The following SCNN1G variants were observed in gnomAD, a reference collection of about 807,000 sequenced individuals.
The protein encoded by SCNN1G is epithelial sodium channel subunit gamma.
A neutral mutation model predicts 64.6 loss-of-function variants in SCNN1G; 27 were observed. The ratio of observed to expected loss-of-function variants is 0.42; its 90% CI spans 0.31 to 0.58. The LOEUF is 0.58. SCNN1G is among the 20% of genes least tolerant of loss of function. The pLI, the probability that SCNN1G is intolerant of heterozygous loss-of-function variation, is 0.18. For missense variants in SCNN1G, 743 were observed against 823.4 expected, an observed-to-expected ratio of 0.90 and a Z score of 1.19; for synonymous variants, 330 against 314.2, an observed-to-expected ratio of 1.05 and a Z score of -0.53.
chr16:23,188,535 G>T (rs1002645425), intron 2 of SCNN1G, among the ~76,000 whole-genome samples: 1 of 151,938 alleles, frequency 6.6e-6, no homozygotes, highest in Non-Finnish European at 1.5e-5. Flanking sequence ...ATAATAGAGG[G>T]CATTTAATTA....
rs758686471 is a variant in SCNN1G at position 23,186,418 on chromosome 16, C to T, written c.147C>T (p.Gly49=). The part of the protein sequence containing the change: ...HGCRRIVVSR[G]RLRRLLWIGF... ...GTCGCCGCATCGTGGTGTCCCGCGG[C>T]CGTCTGCGCCGCCTCCTCTGGATCG... The change falls in exon 2 of 13, where the codon GGC becomes GGT. Residue 49 remains glycine, a synonymous_variant. Coordinates refer to ENST00000300061, the MANE Select transcript of SCNN1G (RefSeq NM_001039.4). 6 of 1,614,232 alleles carry T rather than the reference C, an allele frequency of 3.7e-6. No individual in the cohort carries two copies. In the East Asian group the frequency reaches 1.1e-4, roughly 30 times the overall value.
intron 6 of SCNN1G, among the ~76,000 whole-genome samples, chr16:23,201,589 C>G (rs1470382490): frequency 2.6e-5 from 4 of 152,058 alleles, no homozygotes; most frequent in Admixed American, 2.6e-4. Context: ...AAACTCCAAC[C>G]AAACTAGACT....
chr16:23,191,679 A>G (rs1046348044), intron 3 of SCNN1G, among the ~76,000 whole-genome samples: 26 of 152,090 alleles, frequency 1.7e-4, no homozygotes, highest in Non-Finnish European at 3.4e-4. Flanking sequence ...TCCCACTACA[A>G]CCTTCCAAAG....
intron 5 of SCNN1G, 150 bp from the exon 6 acceptor site, chr16:23,197,114 C>A: frequency 1.4e-6 from 1 of 708,342 alleles, no homozygotes; most frequent in Non-Finnish European, 2.5e-6. Flanking sequence ...TCCAATCTCA[C>A]GGAGCTTCCA....
intron 6 of SCNN1G, among the ~76,000 whole-genome samples, chr16:23,201,043 G>A (rs780473167): frequency 3.3e-5 from 5 of 152,196 alleles, no homozygotes; most frequent in Non-Finnish European, 7.3e-5. Context: ...AATGAAAAAG[G>A]AAAAACTATC....
chr16:23,188,675 A>G (rs1959654089), intron 2 of SCNN1G, among the ~76,000 whole-genome samples: 1 of 152,220 alleles, frequency 6.6e-6, no homozygotes, highest in Non-Finnish European at 1.5e-5. Flanking sequence ...TCAGGTAGCC[A>G]GTACCAGGAT....
Position 23,212,096 on chromosome 16 carries a change from C to T in SCNN1G, c.1239C>T (p.Ser413=). ...AGAAATGTGGGTGTGCCCAGTACAGCCAGCCTCTACCTCCTGCAGCCAACT... is the reference window on the plus strand; with the variant it reads ...AGAAATGTGGGTGTGCCCAGTACAGTCAGCCTCTACCTCCTGCAGCCAACT... ...MVEKCGCAQY[S]QPLPPAANYC... is the part of the protein sequence containing the mutation. Residue 413 remains serine, a synonymous_variant, in exon 8 of 13, where the codon AGC becomes AGT. Coordinates refer to ENST00000300061, the MANE Select transcript of SCNN1G (RefSeq NM_001039.4). The T allele has an allele frequency of 1.2e-6, 2 of 1,614,046 alleles. No homozygotes were observed. Among genetic ancestry groups the T allele is most frequent in the Non-Finnish European group, 1.7e-6 (2 of 1,179,942 alleles).
At chr16:23,189,908 T>G (rs941021193) in intron 3 of SCNN1G, among the ~76,000 whole-genome samples, 2 of 152,020 alleles carry the variant, frequency 1.3e-5, no homozygotes, top group Non-Finnish European at 2.9e-5. Context: ...CCATCTCCAC[T>G]AAAATACAAA....
chr16:23,197,820 C>T lies in SCNN1G; in HGVS notation c.1077+393C>T, dbSNP rs1028876095. ...GCTTGAACCCAGGAGGAGGAGGTTG[C>T]AGTGGGCCGAGATCACGCCACTGCA... On this transcript the variant is annotated intron_variant, in intron 6 of 12. Transcript: ENST00000300061. Among the ~76,000 whole-genome samples the T allele has an allele frequency of 3.3e-5, 5 of 151,508 alleles. No individual in the cohort carries two copies. The East Asian group carries it at 9.7e-4, about 29-fold the overall frequency.
chr16:23,201,254 C>T (rs905478768), intron 6 of SCNN1G, among the ~76,000 whole-genome samples: 3 of 152,210 alleles, frequency 2.0e-5, no homozygotes, highest in African/African-American at 7.2e-5. Context: ...GCGCATCCTT[C>T]CCTTATCCTT....
chr16:23,212,238 T>C (rs941645765), intron 8 of SCNN1G, 87 bp downstream of exon 8: 1 of 853,174 alleles, frequency 1.2e-6, no homozygotes, highest in Non-Finnish European at 2.0e-6. Flanking sequence ...ACTCCACCCC[T>C]GTTGCCTTTT....
chr16:23,191,829 T>C (rs1235872499), intron 3 of SCNN1G, among the ~76,000 whole-genome samples: 1 of 152,216 alleles, frequency 6.6e-6, no homozygotes, highest in Non-Finnish European at 1.5e-5. Context: ...ATTGTATATT[T>C]CAAACATGGG....
chr16:23,191,405 T>A (rs1169607825), intron 3 of SCNN1G, among the ~76,000 whole-genome samples: 1 of 151,812 alleles, frequency 6.6e-6, no homozygotes, highest in Non-Finnish European at 1.5e-5. Flanking sequence ...CTCTTCTTGA[T>A]ACCAAAATCA....
At chr16:23,203,853 C>A (rs1959933767) in intron 6 of SCNN1G, among the ~76,000 whole-genome samples, 1 of 146,544 alleles carries the variant, frequency 6.8e-6, no homozygotes, top group South Asian at 2.3e-4. Context: ...GTTGTATAAT[C>A]TCTGCCTCAG....
intron 1 of SCNN1G, among the ~76,000 whole-genome samples, chr16:23,185,528 GGC>G (rs1416439115): frequency 1.3e-5 from 2 of 152,170 alleles, no homozygotes; most frequent in Non-Finnish European, 1.5e-5. Flanking sequence ...AAGGAAATAT[GGC>G]ACAATGCCTG....
rs1046495755 is a variant in SCNN1G, at chr16:23,186,090, G to C, written c.-44-138G>C. 4 of 650,176 alleles carry C rather than the reference G, an allele frequency of 6.2e-6. No homozygotes were observed. In the African/African-American group the frequency reaches 7.3e-5, roughly 12 times the overall value. The allele number at this position is 650,176 out of a possible 1,614,324, so 40.3% of individuals were successfully genotyped here. On this transcript the variant is annotated intron_variant, in intron 1 of 12. Transcript: ENST00000300061. Reference sequence around the variant, plus strand: ...AGGGGCCAAGGATTCAGAATGCAAAGTGCCTAAGCCACAGAGGAACAGAGG... The same window carrying C: ...AGGGGCCAAGGATTCAGAATGCAAACTGCCTAAGCCACAGAGGAACAGAGG...
chr16:23,214,676 G>A (rs1446652170), intron 11 of SCNN1G, 36 bp from the exon 12 acceptor site: 1 of 1,541,228 alleles, frequency 6.5e-7, no homozygotes, highest in East Asian at 2.2e-5. Flanking sequence ...CTGGTAGGAT[G>A]CCAAGGCTCT....
chr16:23,214,383 C>T (rs572072619), intron 11 of SCNN1G, among the ~76,000 whole-genome samples: 2 of 152,206 alleles, frequency 1.3e-5, no homozygotes, highest in Non-Finnish European at 2.9e-5. Context: ...ATGTACATTA[C>T]CTGTACATAC....
rs1959966434 is a variant in SCNN1G at position 23,204,967 on chromosome 16, C to T, written c.1078-4783C>T. ...AGCTGGGATTATAGGCGTGCACCAC[C>T]ACACCTACCTAAATATTGTATTTTT... is the stretch of plus-strand genomic sequence containing the variant. On this transcript the variant is annotated intron_variant, in intron 6 of 12. Coordinates refer to ENST00000300061, the MANE Select transcript of SCNN1G (RefSeq NM_001039.4). 2.6e-5 allele frequency among the ~76,000 whole-genome samples: 4 copies of T among 152,104 alleles called. No homozygotes were observed. In the South Asian group the frequency reaches 8.3e-4, roughly 32 times the overall value.
Sources: gnomAD v4.1 joint callset for allele counts (sites outside exome capture counted in the v4.1 genomes callset) on GRCh38, gnomAD v4.1.1 for gene constraint, MANE v1.5 for transcripts, NCBI Gene and HGNC (gene_info 2026-07-23, HGNC 2026-07-21) for gene names.